Variants in RNF170 observed in about 807,000 individuals in gnomAD.
The protein encoded by RNF170 is ring finger protein 170.
Under a neutral mutation model 32.7 loss-of-function variants are expected in RNF170, and 12 were observed. The ratio of observed to expected loss-of-function variants is 0.37; its 90% CI spans 0.24 to 0.60. RNF170 has a LOEUF of 0.60. Among genes scored for constraint, RNF170 ranks in the 20% least tolerant of loss-of-function variants. RNF170 has a pLI of 0.72. For synonymous variants in RNF170, 91 were observed against 103.6 expected, an observed-to-expected ratio of 0.88 and a Z score of 0.74; for missense variants, 212 against 311.2, an observed-to-expected ratio of 0.68 and a Z score of 2.40.
chr8:42,893,417 T>C (rs1806479089), intron 1 of RNF170, among the ~76,000 whole-genome samples: 1 of 152,210 alleles, frequency 6.6e-6, no homozygotes. Flanking sequence ...CTACATCTTA[T>C]TGAGCAGTAT....
chr8:42,867,453 A>G (rs1158931046), intron 4 of RNF170, among the ~76,000 whole-genome samples: 3 of 135,020 alleles, frequency 2.2e-5, no homozygotes, highest in Admixed American at 1.5e-4. Flanking sequence ...CCTGGGCAAT[A>G]AGAGCAAAAC....
At chr8:42,882,809 C>T (rs891114729) in intron 2 of RNF170, among the ~76,000 whole-genome samples, 2 of 152,044 alleles carry the variant, frequency 1.3e-5, no homozygotes, top group Admixed American at 1.3e-4. Flanking sequence ...CACCTGTAAT[C>T]CCAGAAATTT....
At chr8:42,885,958 C>T (rs1805784307) in intron 2 of RNF170, among the ~76,000 whole-genome samples, 1 of 152,098 alleles carries the variant, frequency 6.6e-6, no homozygotes, top group Admixed American at 6.6e-5. Context: ...CACGGTGGCT[C>T]ACGCCTGTAA....
Position 42,854,432 on chromosome 8 carries a change from T to C in RNF170, c.*1727A>G, listed in dbSNP as rs1016001795. On this transcript the variant is annotated 3_prime_UTR_variant, in exon 7 of 7. Transcript: ENST00000527424. ...GGGGATTGTATCTATGAAAGGGAAG[T>C]TGGTGTCCTGCGTTCCTCACAAAAT... 1.1e-5 allele frequency: 14 copies of C among 1,287,110 alleles called. No homozygotes were observed. The African/African-American group carries it at 1.2e-4, about 11-fold the overall frequency. 79.7% of individuals were successfully genotyped at this position (1,287,110 alleles called of 1,614,324 possible). A position where few individuals can be genotyped will look rare whatever the true frequency, so the allele number is the denominator to read the frequency against.
chr8:42,878,120 T>A (rs1805097385), intron 2 of RNF170, among the ~76,000 whole-genome samples: 1 of 152,172 alleles, frequency 6.6e-6, no homozygotes, highest in Non-Finnish European at 1.5e-5. Flanking sequence ...CATTCCCCAG[T>A]CTCTCTCCCT....
At position 42,854,186 on chromosome 8, in the gene RNF170, T is replaced by C. The variant is rs1803068042; in HGVS notation, c.*1973A>G. Reference sequence around the variant, plus strand: ...CGGATTCATGTCATCTCCACAGACCTTTCCTCTTAGGAGTGCCTAAGCTGT... The same window carrying C: ...CGGATTCATGTCATCTCCACAGACCCTTCCTCTTAGGAGTGCCTAAGCTGT... On this transcript the variant is annotated 3_prime_UTR_variant, in exon 7 of 7. Transcript: ENST00000527424. 1.6e-6 allele frequency: 2 copies of C among 1,287,268 alleles called. No individual in the cohort carries two copies. The highest frequency in any genetic ancestry group is 3.0e-5 in the African/African-American group (2 of 65,938). The allele number at this position is 1,287,268 out of a possible 1,614,324, so 79.7% of individuals were successfully genotyped here. A position where few individuals can be genotyped will look rare whatever the true frequency, so the allele number is the denominator to read the frequency against.
upstream of RNF170, chr8:42,896,748 A>AGCGGCAGCGGCG (rs1554506590): frequency 1.4e-5 from 2 of 145,712 alleles, no homozygotes; most frequent in East Asian, 4.0e-4. Context: ...GCCCGGCGGC[A>AGCGGCAGCGGCG]GCGGCGGCGG....
At position 42,896,596 on chromosome 8, in the gene RNF170, T is replaced by G. The variant is rs1806922855; in HGVS notation, c.-120A>C. The stretch of plus-strand genomic sequence containing the variant: ...AACCCACTAGACGTCCCCTTTCTAA[T>G]TTGGAGTGCGGGTGCGGGCGCACGC... On this transcript the variant is annotated 5_prime_UTR_variant, in exon 1 of 7. Transcript: ENST00000527424. 1 of 453,548 alleles carries G rather than the reference T, an allele frequency of 2.2e-6. No individual in the cohort carries two copies. The highest frequency in any genetic ancestry group is 1.6e-5 in the South Asian group (1 of 64,512). The allele number at this position is 453,548 out of a possible 1,614,324, so 28.1% of individuals were successfully genotyped here.
rs1470066334 is a variant in RNF170 at position 42,887,600 on chromosome 8, C to A, written c.137+128G>T. 4.6e-6 allele frequency: 4 copies of A among 869,792 alleles called. No individual in the cohort carries two copies. In the African/African-American group the frequency reaches 6.6e-5, roughly 14 times the overall value. The allele number at this position is 869,792 out of a possible 1,614,324, so 53.9% of individuals were successfully genotyped here. A position where few individuals can be genotyped will look rare whatever the true frequency, so the allele number is the denominator to read the frequency against. ...TCAAAGCCCCGTGGAAAATAAAATA[C>A]CTTAGTAAACATCTACAATCACTGA... On this transcript the variant is annotated intron_variant, in intron 2 of 6. Coordinates refer to ENST00000527424, the MANE Select transcript of RNF170 (RefSeq NM_030954.4).
At chr8:42,887,686 G>A in intron 2 of RNF170, 42 bp downstream of exon 2, 1 of 1,600,672 alleles carries the variant, frequency 6.2e-7, no homozygotes, top group Non-Finnish European at 8.6e-7. Context: ...AAAGTCAGCA[G>A]CCCTTGCAAA....
chr8:42,858,632 C>G (rs554918141), intron 6 of RNF170, among the ~76,000 whole-genome samples: 2 of 152,334 alleles, frequency 1.3e-5, no homozygotes, highest in South Asian at 2.1e-4. Context: ...GCAGGGAAAA[C>G]TTCTCCAAGG....
intron 1 of RNF170, 145 bp from the exon 2 acceptor site, chr8:42,888,016 T>TG (rs1805968842): frequency 8.4e-6 from 6 of 717,674 alleles, no homozygotes; most frequent in Admixed American, 2.5e-5. Flanking sequence ...TGGGGACTGA[T>TG]GGAGTTCTTT....
chr8:42,884,557 GAC>G (rs1177274307), intron 2 of RNF170, among the ~76,000 whole-genome samples: 6 of 151,916 alleles, frequency 3.9e-5, no homozygotes, highest in African/African-American at 1.5e-4. Flanking sequence ...TCCCTATTTT[GAC>G]AGTCTCCCCT....
chr8:42,856,926 G>C (rs1031291768), intron 6 of RNF170, among the ~76,000 whole-genome samples: 1 of 152,130 alleles, frequency 6.6e-6, no homozygotes, highest in African/African-American at 2.4e-5. Context: ...AAGGTTCCCT[G>C]GCAAGCGGAC....
intron 2 of RNF170, among the ~76,000 whole-genome samples, chr8:42,883,774 A>G (rs764623209): frequency 9.2e-5 from 14 of 152,122 alleles, no homozygotes; most frequent in South Asian, 2.1e-4. Flanking sequence ...TTTGTTATGT[A>G]TATTTTACCA....
chr8:42,866,700 T>C (rs773766766), intron 4 of RNF170, among the ~76,000 whole-genome samples: 32 of 152,018 alleles, frequency 2.1e-4, no homozygotes, highest in Admixed American at 3.9e-4. Flanking sequence ...TTGCACTAGA[T>C]GGATTGGATT....
intron 4 of RNF170, among the ~76,000 whole-genome samples, chr8:42,869,706 T>C (rs1409577141): frequency 1.3e-5 from 2 of 152,192 alleles, no homozygotes; most frequent in Non-Finnish European, 2.9e-5. Context: ...ATGCTATGGA[T>C]CTACTTGAAC....
chr8:42,856,384 T>G lies in RNF170; in HGVS notation c.552A>C (p.Ala184=). 6.2e-7 allele frequency: 1 copy of G among 1,606,944 alleles called. No individual in the cohort carries two copies. Among genetic ancestry groups the G allele is most frequent in the East Asian group, 2.2e-5 (1 of 44,832 alleles). The change falls in exon 7 of 7, where the codon GCA becomes GCC. Residue 184 remains alanine (A), a synonymous_variant. Transcript: ENST00000527424. Reference sequence around the variant, plus strand: ...CCCCGACTGAAAACATTTCCCTGAATGCATGCCTCAGTAAAGTGGGTAGAT... The same window carrying G: ...CCCCGACTGAAAACATTTCCCTGAAGGCATGCCTCAGTAAAGTGGGTAGAT... ...IMDLPTLLRH[A]FREMFSVGGL...
At chr8:42,894,568 AT>A (rs952376864) in intron 1 of RNF170, among the ~76,000 whole-genome samples, 36 of 150,860 alleles carry the variant, frequency 2.4e-4, no homozygotes, top group African/African-American at 7.5e-4. Context: ...CACATGTGTA[AT>A]TTTTTTTTTC....
Sources: allele counts gnomAD v4.1 joint callset (sites outside exome capture counted in the v4.1 genomes callset), GRCh38; gene constraint gnomAD v4.1.1; transcripts MANE v1.5; gene names NCBI Gene and HGNC (gene_info 2026-07-23, HGNC 2026-07-21).